RSRC1: variants seen among roughly 807,000 people sequenced by gnomAD.
RSRC1 encodes the protein arginine and serine rich coiled-coil 1.
A neutral mutation model predicts 49.1 loss-of-function variants in RSRC1; 39 were observed. That is an observed-to-expected ratio of 0.79 (90% CI 0.61 to 1.04). The LOEUF is 1.04. Ranked by LOEUF, RSRC1 falls within the 50% of genes least tolerant of loss-of-function variation. The pLI is 0.00. For synonymous variants in RSRC1, 143 were observed against 130.8 expected (o/e 1.09, Z -0.63); for missense variants, 388 against 402.4 (o/e 0.96, Z 0.31).
At chr3:158,497,754 C>A (rs538196466) in intron 7 of RSRC1, among the ~76,000 whole-genome samples, 104 of 152,140 alleles carry the variant, frequency 6.8e-4, no homozygotes, top group Non-Finnish European at 1.2e-3. Context: ...ATTCTTACGT[C>A]TTTGTGTCTT....
intron 4 of RSRC1, among the ~76,000 whole-genome samples, chr3:158,283,564 CA>C (rs937630812): frequency 1.7e-4 from 26 of 151,768 alleles, no homozygotes; most frequent in African/African-American, 6.3e-4. Flanking sequence ...AACTATGTCA[CA>C]ATTTTTAATG....
At chr3:158,531,456 T>G (rs2108500543) in intron 7 of RSRC1, among the ~76,000 whole-genome samples, 1 of 152,104 alleles carries the variant, frequency 6.6e-6, no homozygotes, top group African/African-American at 2.4e-5. Flanking sequence ...TACAGTCACA[T>G]TAACATTATT....
At chr3:158,148,716 C>T (rs755067395) in intron 3 of RSRC1, among the ~76,000 whole-genome samples, 5 of 151,640 alleles carry the variant, frequency 3.3e-5, no homozygotes, top group Non-Finnish European at 4.4e-5. Flanking sequence ...TAAAAAAAGA[C>T]GGTATTTCAT....
intron 5 of RSRC1, among the ~76,000 whole-genome samples, chr3:158,314,221 G>T (rs1728280162): frequency 6.6e-6 from 1 of 152,068 alleles, no homozygotes; most frequent in Non-Finnish European, 1.5e-5. Flanking sequence ...CTCCTGAGTA[G>T]CTGAGATTAC....
intron 6 of RSRC1, among the ~76,000 whole-genome samples, chr3:158,396,345 G>C (rs1053988492): frequency 6.7e-6 from 1 of 149,134 alleles, no homozygotes; most frequent in African/African-American, 2.5e-5. Context: ...TAAAATAAAA[G>C]TTTTTTTAAA....
intron 4 of RSRC1, among the ~76,000 whole-genome samples, chr3:158,244,369 T>A (rs911469335): frequency 4.6e-5 from 7 of 152,214 alleles, no homozygotes; most frequent in African/African-American, 1.7e-4. Flanking sequence ...TCTGCATCTA[T>A]TGAGATAATC....
At chr3:158,501,772 C>G (rs1421611162) in intron 7 of RSRC1, among the ~76,000 whole-genome samples, 1 of 152,120 alleles carries the variant, frequency 6.6e-6, no homozygotes, top group Non-Finnish European at 1.5e-5. Flanking sequence ...CTGAAGGCAG[C>G]AAATAGTTGA....
intron 4 of RSRC1, among the ~76,000 whole-genome samples, chr3:158,277,342 T>C (rs1295899764): frequency 6.6e-6 from 1 of 152,216 alleles, no homozygotes; most frequent in Non-Finnish European, 1.5e-5. Flanking sequence ...CACAGATAGG[T>C]ATTGCCAAAT....
At chr3:158,383,885 A>G (rs1003575780) in intron 6 of RSRC1, among the ~76,000 whole-genome samples, 9 of 152,186 alleles carry the variant, frequency 5.9e-5, no homozygotes, top group Non-Finnish European at 8.8e-5. Context: ...AAAGATTCAC[A>G]TACATGGGAT....
chr3:158,142,099 A>G (rs1203155839), intron 3 of RSRC1, among the ~76,000 whole-genome samples: 3 of 152,212 alleles, frequency 2.0e-5, no homozygotes, highest in East Asian at 3.9e-4. Context: ...CTCCGTCTCA[A>G]AAAAGAAAGA....
chr3:158,486,304 A>T (rs986563228), intron 7 of RSRC1, among the ~76,000 whole-genome samples: 4 of 152,176 alleles, frequency 2.6e-5, no homozygotes, highest in African/African-American at 9.6e-5. Context: ...GGGAGAGGTC[A>T]TTATGGAAAC....
In RSRC1 at chr3:158,306,571, T is replaced by G. The variant is rs150543791; in HGVS notation, c.531+8496T>G. Among the ~76,000 whole-genome samples, 398 of 152,106 alleles carry G rather than the reference T, an allele frequency of 2.6e-3. 4 individuals carry two copies. Among genetic ancestry groups the G allele is most frequent in the African/African-American group, 9.1e-3 (380 of 41,566 alleles). ...TGTAAGAATAGGCTTATGATAAATT[T>G]ATTATAATCAATACAGGAAAGAATG... On this transcript the variant is annotated intron_variant, in intron 5 of 9. Transcript: ENST00000611884.
rs188341885 is a variant in RSRC1 at position 158,404,712 on chromosome 3, T to C, written c.583+49804T>C. Among the ~76,000 whole-genome samples, 27 of 152,104 alleles carry C rather than the reference T, an allele frequency of 1.8e-4. No homozygotes were observed. The East Asian group carries it at 3.7e-3, about 21-fold the overall frequency. On this transcript the variant is annotated intron_variant, in intron 6 of 9. Transcript: ENST00000611884. ...TTTAAATGTGATAATCCTGAAGTTA[T>C]GTTGAAAGAAAAATTTACTGAAGTA...
intron 4 of RSRC1, among the ~76,000 whole-genome samples, chr3:158,229,513 G>A (rs1379894653): frequency 1.4e-5 from 2 of 147,574 alleles, no homozygotes; most frequent in Admixed American, 6.7e-5. Flanking sequence ...ACCTTTCCTT[G>A]CCTTTTAATT....
intron 7 of RSRC1, among the ~76,000 whole-genome samples, chr3:158,502,484 T>C (rs4680441): frequency 0.21 from 32,337 of 152,176 alleles, 3,826 homozygotes; most frequent in South Asian, 0.3. Flanking sequence ...ATTCTCTTCT[T>C]CCTCAGAAAC....
At chr3:158,180,413 TTTTGCC>T (rs1559931818) in intron 3 of RSRC1, among the ~76,000 whole-genome samples, 2 of 78,846 alleles carry the variant, frequency 2.5e-5, no homozygotes, top group African/African-American at 9.2e-5. Flanking sequence ...TTTTTTTTTT[TTTTGCC>T]GTGTGTGTGT....
chr3:158,295,614 T>A (rs1246973014), intron 4 of RSRC1, among the ~76,000 whole-genome samples: 1 of 152,064 alleles, frequency 6.6e-6, no homozygotes, highest in African/African-American at 2.4e-5. Flanking sequence ...TGAAGGTTGT[T>A]GGATAGCCAG....
intron 4 of RSRC1, among the ~76,000 whole-genome samples, chr3:158,228,237 G>T (rs1722631546): frequency 6.6e-6 from 1 of 151,976 alleles, no homozygotes; most frequent in Non-Finnish European, 1.5e-5. Flanking sequence ...TATTAGGAAA[G>T]GGATGGATGC....
At chr3:158,187,549 T>C (rs1719999379) in intron 3 of RSRC1, among the ~76,000 whole-genome samples, 2 of 151,972 alleles carry the variant, frequency 1.3e-5, no homozygotes, top group African/African-American at 2.4e-5. Flanking sequence ...TAGAATTACA[T>C]ATTAGGAATA....
Sources: gnomAD v4.1 joint callset for allele counts (sites outside exome capture counted in the v4.1 genomes callset) on GRCh38, gnomAD v4.1.1 for gene constraint, MANE v1.5 for transcripts, NCBI Gene and HGNC (gene_info 2026-07-23, HGNC 2026-07-21) for gene names.